The following ADGRE2 variants were observed in gnomAD, a reference collection of about 807,000 sequenced individuals.
ADGRE2 encodes CD97 antigen.
Under a neutral mutation model 100.8 loss-of-function variants are expected in ADGRE2, and 83 were observed. The observed-to-expected ratio is 0.82, with a 90% CI of 0.69 to 0.99. The LOEUF is 0.99. Among genes scored for constraint, ADGRE2 ranks in the 50% least tolerant of loss-of-function variants. The pLI is 0.00. For synonymous variants in ADGRE2, 355 were observed against 413.0 expected, an observed-to-expected ratio of 0.86 and a Z score of 1.70; for missense variants, 814 against 1,035.7, an observed-to-expected ratio of 0.79 and a Z score of 2.94.
chr19:14,759,490 T>TAC (rs1484183848), intron 11 of ADGRE2, among the ~76,000 whole-genome samples: 20 of 80,294 alleles, frequency 2.5e-4, no homozygotes, highest in South Asian at 1.0e-3. Context: ...AAGTTATACA[T>TAC]ATATATATAT....
chr19:14,761,887 G>A (rs145484070), intron 11 of ADGRE2, among the ~76,000 whole-genome samples: 7 of 152,218 alleles, frequency 4.6e-5, no homozygotes, highest in African/African-American at 1.2e-4. Flanking sequence ...TATAAAATCC[G>A]GTGCCCTCTG....
chr19:14,773,097 AAC>A (rs1436308309), intron 4 of ADGRE2, among the ~76,000 whole-genome samples: 13,414 of 108,168 alleles, frequency 0.12, 1,039 homozygotes, highest in Non-Finnish European at 0.14. Context: ...AAAAAAAAAA[AAC>A]AAAAAAAAAA....
At position 14,741,117 on chromosome 19, in the gene ADGRE2, A is replaced by C. The variant is rs1040342892; in HGVS notation, c.2463+2303T>G. 7.5e-5 allele frequency among the ~76,000 whole-genome samples: 9 copies of C among 120,104 alleles called. No homozygotes were observed. In the Admixed American group the frequency reaches 7.9e-4, roughly 10 times the overall value. 78.8% of individuals were successfully genotyped at this position (120,104 alleles called of 152,430 possible). A position where few individuals can be genotyped will look rare whatever the true frequency, so the allele number is the denominator to read the frequency against. Reference sequence around the variant, plus strand: ...TTTTTTTTTTTTTTTTTTTTGGCAGAGTATTGCTGTGTTGCCCAGGGTGGA... The same window carrying C: ...TTTTTTTTTTTTTTTTTTTTGGCAGCGTATTGCTGTGTTGCCCAGGGTGGA... On this transcript the variant is annotated intron_variant, in intron 20 of 20. Coordinates refer to ENST00000315576, the MANE Select transcript of ADGRE2 (RefSeq NM_013447.4).
intron 15 of ADGRE2, among the ~76,000 whole-genome samples, chr19:14,752,074 C>T (rs187978075): frequency 1.3e-5 from 2 of 151,908 alleles, no homozygotes; most frequent in Admixed American, 6.6e-5. Flanking sequence ...ACTGGGATTA[C>T]AGGTATGCGC....
chr19:14,754,915 G>A, intron 14 of ADGRE2, 39 bp downstream of exon 14: 3 of 1,592,196 alleles, frequency 1.9e-6, no homozygotes, highest in Admixed American at 1.7e-5. Context: ...TTGTTACACG[G>A]CAATAAATGC....
chr19:14,773,099 C>CAAAAAAAAAAAAAAAAA (rs1231448957), intron 4 of ADGRE2, among the ~76,000 whole-genome samples: 22 of 72,048 alleles, frequency 3.1e-4, no homozygotes, highest in East Asian at 1.2e-3. Flanking sequence ...AAAAAAAAAA[C>CAAAAAAAAAAAAAAAAA]AAAAAAAAAA....
chr19:14,771,392 A>G (rs961574277), intron 5 of ADGRE2, among the ~76,000 whole-genome samples: 12 of 152,054 alleles, frequency 7.9e-5, no homozygotes, highest in African/African-American at 2.9e-4. Context: ...CTGGCCTTGC[A>G]GATGTCTGAA....
At chr19:14,736,982 G>T (rs1033735652) in intron 20 of ADGRE2, among the ~76,000 whole-genome samples, 4 of 147,138 alleles carry the variant, frequency 2.7e-5, no homozygotes, top group African/African-American at 9.9e-5. Context: ...TTTTGAAAAA[G>T]AAATAAGAAA....
intron 5 of ADGRE2, chr19:14,768,998 C>T (rs538829680): frequency 2.6e-5 from 4 of 152,332 alleles, no homozygotes; most frequent in Admixed American, 2.0e-4. Context: ...TCCTGGCAGT[C>T]GCTGATGATA....
At chr19:14,772,239 T>G in intron 5 of ADGRE2, 103 bp downstream of exon 5, 1 of 1,507,232 alleles carries the variant, frequency 6.6e-7, no homozygotes, top group Non-Finnish European at 9.2e-7. Flanking sequence ...CTCCAGGAAC[T>G]GAACCTATAC....
Position 14,733,897 on chromosome 19 carries a change from G to A in ADGRE2, c.*2339C>T, listed in dbSNP as rs2081508798. On this transcript the variant is annotated 3_prime_UTR_variant, in exon 21 of 21. Transcript: ENST00000315576. ...GTAGAGGTACCAGGTTGCCAACAAT[G>A]GTTACTTGGGGGGTAGCATTCAAAG... 6.6e-6 allele frequency: 1 copy of A among 152,216 alleles called. No homozygotes were observed. 9.4% of individuals were successfully genotyped at this position (152,216 alleles called of 1,614,324 possible). A position where few individuals can be genotyped will look rare whatever the true frequency, so the allele number is the denominator to read the frequency against.
chr19:14,742,165 C>T (rs2042951512), intron 20 of ADGRE2: 2 of 398,328 alleles, frequency 5.0e-6, no homozygotes, highest in East Asian at 3.6e-5. Flanking sequence ...TGTGAACCCT[C>T]TTAGGGCATC....
chr19:14,753,369 C>T (rs1031801186), intron 14 of ADGRE2, among the ~76,000 whole-genome samples: 3 of 151,820 alleles, frequency 2.0e-5, no homozygotes, highest in African/African-American at 4.8e-5. Context: ...AGGGGCTGGG[C>T]GGTATGGCTT....
chr19:14,744,245 CAAAAA>C, intron 18 of ADGRE2, among the ~76,000 whole-genome samples: 1 of 141,538 alleles, frequency 7.1e-6, no homozygotes, highest in East Asian at 2.1e-4. Context: ...GACTCTGTCT[CAAAAA>C]AAAAAAAAGG....
intron 5 of ADGRE2, 135 bp downstream of exon 5, chr19:14,772,207 T>TG: frequency 7.8e-7 from 1 of 1,285,698 alleles, no homozygotes; most frequent in African/African-American, 1.5e-5. Context: ...AACAGGTACA[T>TG]GCACACCTGT....
rs570509501 is a variant in ADGRE2, at chr19:14,753,724, G to T, written c.1591-1198C>A. On this transcript the variant is annotated intron_variant, in intron 14 of 20. Transcript: ENST00000315576. The stretch of plus-strand genomic sequence containing the variant: ...CAGGAGGATCCCTTGAACCCAGAAG[G>T]TCAAGGCTGCAGTGAGCTATGACTG... Among the ~76,000 whole-genome samples the T allele has an allele frequency of 4.4e-4, 67 of 151,944 alleles. No individual in the cohort carries two copies. The South Asian group carries it at 0.011, about 26-fold the overall frequency.
At chr19:14,762,566 G>A (rs371694302) in intron 11 of ADGRE2, among the ~76,000 whole-genome samples, 2 of 151,842 alleles carry the variant, frequency 1.3e-5, no homozygotes, top group African/African-American at 2.4e-5. Flanking sequence ...TAGAGGTGAC[G>A]GTTGTATAAC....
intron 3 of ADGRE2, 66 bp from the exon 4 acceptor site, chr19:14,774,120 G>C (rs531774806): frequency 1.3e-6 from 2 of 1,528,886 alleles, no homozygotes; most frequent in East Asian, 4.5e-5. Context: ...GGGGCACTGG[G>C]GGAGATGGGG....
At chr19:14,754,867 C>CAT (rs1426445084) in intron 14 of ADGRE2, 87 bp downstream of exon 14, 8 of 1,411,406 alleles carry the variant, frequency 5.7e-6, no homozygotes, top group Middle Eastern at 5.1e-4. Context: ...TGAGATAATG[C>CAT]ATATATTTTT....
Sources: gnomAD v4.1 joint callset for allele counts (sites outside exome capture counted in the v4.1 genomes callset) on GRCh38, gnomAD v4.1.1 for gene constraint, MANE v1.5 for transcripts, NCBI Gene and HGNC (gene_info 2026-07-23, HGNC 2026-07-21) for gene names.